The following PTPRZ1 variants were observed in gnomAD, a reference collection of about 807,000 sequenced individuals.
PTPRZ1 encodes receptor-type tyrosine-protein phosphatase zeta.
Under a neutral mutation model 214.1 loss-of-function variants are expected in PTPRZ1, and 82 were observed. That is an observed-to-expected ratio of 0.38 (90% CI 0.32 to 0.46). PTPRZ1 has a LOEUF of 0.46. PTPRZ1 is among the 20% of genes least tolerant of loss of function. PTPRZ1 has a pLI of 1.00. For missense variants in PTPRZ1, 2,603 were observed against 2,748.7 expected (o/e 0.95, Z 1.19); for synonymous variants, 945 against 987.9 (o/e 0.96, Z 0.81).
chr7:122,039,617 A>C (rs369816676), intron 20 of PTPRZ1, 29 bp downstream of exon 20: 7 of 1,608,784 alleles, frequency 4.4e-6, no homozygotes, highest in Non-Finnish European at 5.9e-6. Context: ...GGGCATAATC[A>C]AGTGAACAAT....
intron 1 of PTPRZ1, among the ~76,000 whole-genome samples, chr7:121,873,813 G>A (rs1334660441): frequency 5.9e-5 from 9 of 152,146 alleles, no homozygotes; most frequent in Non-Finnish European, 1.3e-4. Context: ...CCCAGGAGAC[G>A]GAGCTACTGG....
chr7:121,974,518 C>T (rs562358081), intron 4 of PTPRZ1, among the ~76,000 whole-genome samples: 7 of 152,222 alleles, frequency 4.6e-5, no homozygotes, highest in South Asian at 4.2e-4. Flanking sequence ...GACAGAGTCT[C>T]GCCCTGTCGC....
At chr7:122,001,453 A>G (rs1798321052) in intron 10 of PTPRZ1, among the ~76,000 whole-genome samples, 1 of 152,186 alleles carries the variant, frequency 6.6e-6, no homozygotes, top group African/African-American at 2.4e-5. Context: ...TAAATGCATG[A>G]TGAATTAAAT....
chr7:122,038,539 A>T (rs1477722714), intron 18 of PTPRZ1, among the ~76,000 whole-genome samples: 2 of 148,974 alleles, frequency 1.3e-5, no homozygotes, highest in African/African-American at 4.9e-5. Flanking sequence ...TTTTTTACAA[A>T]AATGATAGGG....
Position 122,053,904 on chromosome 7 carries a change from T to A in PTPRZ1, c.6253-6T>A. The A allele has an allele frequency of 6.2e-7, 1 of 1,612,462 alleles. No homozygotes were observed. On this transcript the variant is annotated splice_polypyrimidine_tract_variant and splice_region_variant and intron_variant, in intron 25 of 29. Transcript: ENST00000393386. ...TGCTGTTTTTGTCTTCTCTTTGGTT[T>A]TGTAGGGCTATTACCAGAGCAATGA...
At position 122,031,483 on chromosome 7, in the gene PTPRZ1, G is replaced by A. The variant is rs749718648; in HGVS notation, c.5090G>A (p.Gly1697Glu). The A allele has an allele frequency of 6.2e-7, 1 of 1,610,694 alleles. No homozygotes were observed. Among genetic ancestry groups the A allele is most frequent in the Non-Finnish European group, 8.5e-7 (1 of 1,177,970 alleles). The change falls in exon 15 of 30, where the codon GGA becomes GAA. Residue 1697 changes from glycine to glutamate, a missense_variant. Transcript: ENST00000393386. ...TTTTTTATTCACGTAGATGATGTCGGAGCAATTCCAATAAAGCACTTTCCA... is the reference window on the plus strand; with the variant it reads ...TTTTTTATTCACGTAGATGATGTCGAAGCAATTCCAATAAAGCACTTTCCA... ...TPIFPISDDV[G>E]AIPIKHFPKH...
At position 121,938,607 on chromosome 7, in the gene PTPRZ1, C is replaced by A. The variant is rs1796156429; in HGVS notation, c.124+10386C>A. ...ATTTCATAAGGATGGCCCCCGGGTC[C>A]TTGAGAAAAACATCCTGGATCATAA... is the stretch of plus-strand genomic sequence containing the variant. On this transcript the variant is annotated intron_variant, in intron 2 of 29. Transcript: ENST00000393386. Among the ~76,000 whole-genome samples, 4 of 152,142 alleles carry A rather than the reference C, an allele frequency of 2.6e-5. No individual in the cohort carries two copies. The South Asian group carries it at 8.3e-4, about 31-fold the overall frequency.
chr7:121,919,650 T>C (rs1239800127), intron 1 of PTPRZ1, among the ~76,000 whole-genome samples: 1 of 152,088 alleles, frequency 6.6e-6, no homozygotes, highest in East Asian at 1.9e-4. Context: ...TTTTTATGTA[T>C]GTGTCAAGTA....
At chr7:121,932,970 T>C (rs1212734382) in intron 2 of PTPRZ1, among the ~76,000 whole-genome samples, 2 of 152,112 alleles carry the variant, frequency 1.3e-5, no homozygotes, top group Admixed American at 1.3e-4. Context: ...TATAGGAGGT[T>C]GAGCAAGGCT....
chr7:121,996,330 C>T, intron 8 of PTPRZ1, 52 bp from the exon 9 acceptor site: 1 of 1,286,338 alleles, frequency 7.8e-7, no homozygotes, highest in Non-Finnish European at 1.1e-6. Context: ...TTTATTTATT[C>T]AAGTCCTCAA....
At chr7:121,933,396 T>C (rs1473564968) in intron 2 of PTPRZ1, among the ~76,000 whole-genome samples, 1 of 152,092 alleles carries the variant, frequency 6.6e-6, no homozygotes, top group East Asian at 1.9e-4. Flanking sequence ...TATTATTTCT[T>C]TTTCACCAAT....
chr7:122,039,634 G>T (rs751168601), intron 20 of PTPRZ1, 46 bp downstream of exon 20: 3 of 1,597,418 alleles, frequency 1.9e-6, no homozygotes, highest in South Asian at 2.2e-5. Context: ...CAATGCATTT[G>T]GTCATTTTTT....
intron 1 of PTPRZ1, among the ~76,000 whole-genome samples, chr7:121,882,696 A>G (rs770675426): frequency 1.3e-5 from 2 of 152,212 alleles, no homozygotes; most frequent in Non-Finnish European, 2.9e-5. Context: ...CTCAGGTATC[A>G]GAGCATAGGA....
At chr7:122,029,771 T>G (rs1307367476) in intron 14 of PTPRZ1, among the ~76,000 whole-genome samples, 1 of 151,482 alleles carries the variant, frequency 6.6e-6, no homozygotes, top group Non-Finnish European at 1.5e-5. Flanking sequence ...TATATATTAT[T>G]TATATATATT....
At chr7:122,008,065 C>T (rs1798546116) in intron 11 of PTPRZ1, among the ~76,000 whole-genome samples, 1 of 151,670 alleles carries the variant, frequency 6.6e-6, no homozygotes, top group African/African-American at 2.4e-5. Flanking sequence ...AGTTTTTTCC[C>T]AACTATGTAA....
intron 21 of PTPRZ1, among the ~76,000 whole-genome samples, chr7:122,041,357 C>A (rs6956311): frequency 0.011 from 1,582 of 148,134 alleles, 40 homozygotes; most frequent in African/African-American, 0.036. Flanking sequence ...AGTTAAAATT[C>A]TGTTTTAGAA....
Position 122,036,613 on chromosome 7 carries a change from G to A in PTPRZ1, c.5298G>A (p.Arg1766=), listed in dbSNP as rs1476401163. ...YINIVAYDHS[R]VKLAQLAEKD... ...TTTATATTACAGATGATCATAGCAG[G>A]GTTAAGCTAGCACAGCTTGCTGAAA... Residue 1766 remains arginine, a synonymous_variant, in exon 18 of 30, where the codon AGG becomes AGA. Transcript: ENST00000393386. The A allele has an allele frequency of 6.2e-7, 1 of 1,601,398 alleles. No individual in the cohort carries two copies. The highest frequency in any genetic ancestry group is 8.6e-7 in the Non-Finnish European group (1 of 1,168,646).
intron 14 of PTPRZ1, among the ~76,000 whole-genome samples, chr7:122,031,087 AAT>A (rs1466971456): frequency 2.0e-5 from 3 of 152,066 alleles, no homozygotes; most frequent in Non-Finnish European, 4.4e-5. Flanking sequence ...TCCACACTAA[AAT>A]TGAAACTATA....
chr7:122,012,375 T>C lies in PTPRZ1; in HGVS notation c.3329T>C (p.Val1110Ala), dbSNP rs202148626. ...TCCCTTGCTCATACCACCACTAAGG[T>C]TTTTGATCATGAGATTAGTCAAGTT... ...PGSLAHTTTK[V>A]FDHEISQVPE... Residue 1110 changes from valine (V) to alanine (A), a missense_variant, in exon 12 of 30, where the codon GTT becomes GCT. By Grantham distance (64) the Val-to-Ala change is moderately conservative. Around this residue, in one of 6 missense-constraint regions of PTPRZ1, gnomAD observed 1,913 missense variants for 1,914.3 expected, o/e 1.00. Transcript: ENST00000393386. 18 of 1,613,818 alleles carry C rather than the reference T, an allele frequency of 1.1e-5. No individual in the cohort carries two copies. The East Asian group carries it at 3.6e-4, about 32-fold the overall frequency.
Sources: allele counts gnomAD v4.1 joint callset (sites outside exome capture counted in the v4.1 genomes callset), GRCh38; gene constraint gnomAD v4.1.1; regional missense constraint gnomAD v4.1.1; transcripts MANE v1.5; gene names NCBI Gene and HGNC (gene_info 2026-07-23, HGNC 2026-07-21).